Variants in CD6 observed in about 807,000 individuals in gnomAD.
The protein encoded by CD6 is T-cell differentiation antigen CD6.
In CD6, 53 loss-of-function variants were observed where a neutral mutation model predicts 75.3. The ratio of observed to expected loss-of-function variants is 0.70; its 90% CI spans 0.56 to 0.88. The LOEUF (loss-of-function observed/expected upper bound fraction) is 0.88. Ranked by LOEUF, CD6 falls within the 40% of genes least tolerant of loss-of-function variation. The probability of loss-of-function intolerance (pLI) is 0.00; values close to 1 mark genes in which losing one functional copy is unlikely to be tolerated. For synonymous variants in CD6, 359 were observed against 381.5 expected (o/e 0.94, Z 0.69); for missense variants, 770 against 897.1 (o/e 0.86, Z 1.81).
chr11:61,012,890 T>C (rs1859213614), intron 6 of CD6, among the ~76,000 whole-genome samples: 1 of 152,174 alleles, frequency 6.6e-6, no homozygotes, highest in Admixed American at 6.5e-5. Flanking sequence ...AGAGTCACTG[T>C]CTCTGGGAAG....
At chr11:61,017,724 C>CTTCT in intron 10 of CD6, 35 bp from the exon 11 acceptor site, 1 of 1,613,182 alleles carries the variant, frequency 6.2e-7, no homozygotes, top group Non-Finnish European at 8.5e-7. Context: ...TGCTGCACTG[C>CTTCT]TTCTTTCGTC....
intron 1 of CD6, chr11:61,004,508 G>A (rs56103919): frequency 0.13 from 19,473 of 152,274 alleles, 1,696 homozygotes; most frequent in Non-Finnish European, 0.19. Flanking sequence ...CAATTAGAGG[G>A]CTGAAGACTT....
At chr11:61,008,038 C>G (rs1038626418) in intron 3 of CD6, 128 bp downstream of exon 3, 48 of 543,006 alleles carry the variant, frequency 8.8e-5, no homozygotes, top group Non-Finnish European at 1.4e-4. Context: ...CCTACCAGTG[C>G]AAACGCACCG....
At chr11:60,976,506 T>C (rs1231476682) in intron 1 of CD6, among the ~76,000 whole-genome samples, 1 of 152,214 alleles carries the variant, frequency 6.6e-6, no homozygotes, top group East Asian at 1.9e-4. Flanking sequence ...ATTGGATATA[T>C]ACTATGAGTG....
intron 1 of CD6, among the ~76,000 whole-genome samples, chr11:61,003,294 A>G (rs1213989313): frequency 1.3e-5 from 2 of 152,164 alleles, no homozygotes; most frequent in African/African-American, 4.8e-5. Context: ...CCAACTTCTC[A>G]ACACAGGTCA....
At chr11:60,997,976 C>G (rs907995450) in intron 1 of CD6, among the ~76,000 whole-genome samples, 1 of 152,268 alleles carries the variant, frequency 6.6e-6, no homozygotes, top group Admixed American at 6.5e-5. Context: ...AATGTATGCT[C>G]CTCCCCTGCG....
In CD6 at chr11:61,008,503, C is replaced by A. The variant is rs754288553; in HGVS notation, c.470-31C>A. On this transcript the variant is annotated intron_variant, in intron 3 of 12. Coordinates refer to ENST00000313421, the MANE Select transcript of CD6 (RefSeq NM_006725.5). ...CAACCCTCCCTTCCTGGTCGGGTGCCCCAGCATCCACAACCCCCTCCCACC... is the reference window on the plus strand; with the variant it reads ...CAACCCTCCCTTCCTGGTCGGGTGCACCAGCATCCACAACCCCCTCCCACC... The A allele has an allele frequency of 4.6e-6, 7 of 1,532,962 alleles. No homozygotes were observed. The Admixed American group carries it at 9.8e-5, about 21-fold the overall frequency. 95.0% of individuals were successfully genotyped at this position (1,532,962 alleles called of 1,614,324 possible).
chr11:60,980,338 T>G (rs982620652), intron 1 of CD6, among the ~76,000 whole-genome samples: 1 of 151,978 alleles, frequency 6.6e-6, no homozygotes, highest in Non-Finnish European at 1.5e-5. Context: ...CCCCCACGTT[T>G]ACAAAAAATT....
chr11:60,993,106 C>A (rs1858133824), intron 1 of CD6, among the ~76,000 whole-genome samples: 1 of 152,050 alleles, frequency 6.6e-6, no homozygotes, highest in Non-Finnish European at 1.5e-5. Flanking sequence ...GGCACGGGAG[C>A]CTGAGCCAGC....
intron 1 of CD6, among the ~76,000 whole-genome samples, chr11:61,003,898 G>A (rs11230561): frequency 0.13 from 19,532 of 151,944 alleles, 1,707 homozygotes; most frequent in Non-Finnish European, 0.19. Context: ...TGGGATAGGG[G>A]ATGGGAGAAT....
chr11:60,972,806 C>A (rs1301129307), intron 1 of CD6, among the ~76,000 whole-genome samples: 1 of 152,122 alleles, frequency 6.6e-6, no homozygotes, highest in Non-Finnish European at 1.5e-5. Context: ...GGGCATCGAG[C>A]TGGTTTGGAG....
intron 1 of CD6, among the ~76,000 whole-genome samples, chr11:60,987,226 T>C (rs901103851): frequency 1.3e-5 from 2 of 152,258 alleles, no homozygotes; most frequent in African/African-American, 4.8e-5. Flanking sequence ...TGTTCTCTTC[T>C]GAGCTTCTGG....
intron 12 of CD6, chr11:61,019,009 T>C (rs1283559454): frequency 1.2e-5 from 5 of 423,538 alleles, no homozygotes; most frequent in Admixed American, 7.8e-5. Context: ...GCTTCCAACA[T>C]TCAATCGTCC....
intron 1 of CD6, among the ~76,000 whole-genome samples, chr11:60,992,357 A>G (rs1858099475): frequency 6.7e-6 from 1 of 150,238 alleles, no homozygotes; most frequent in Non-Finnish European, 1.5e-5. Context: ...TATAACTATG[A>G]GGTGAGGGAG....
At chr11:60,983,074 T>C (rs995597745) in intron 1 of CD6, among the ~76,000 whole-genome samples, 1 of 151,730 alleles carries the variant, frequency 6.6e-6, no homozygotes, top group Non-Finnish European at 1.5e-5. Flanking sequence ...CCTCAGGCTC[T>C]GCCTCCTCTT....
At position 60,991,049 on chromosome 11, in the gene CD6, G is replaced by A. The variant is rs557320980; in HGVS notation, c.50-15525G>A. Among the ~76,000 whole-genome samples the A allele has an allele frequency of 2.6e-4, 40 of 151,988 alleles. 1 individual carries two copies. The highest frequency in any genetic ancestry group is 6.8e-3 in the Middle Eastern group (2 of 294). On this transcript the variant is annotated intron_variant, in intron 1 of 12. Coordinates refer to ENST00000313421, the MANE Select transcript of CD6 (RefSeq NM_006725.5). ...AATTTTTTCTATAATTTATACAAAA[G>A]GGTATAGCTTTCAGATCAAGGTATG...
intron 1 of CD6, among the ~76,000 whole-genome samples, chr11:60,990,110 A>C (rs2135066270): frequency 1.3e-5 from 2 of 152,398 alleles, no homozygotes; most frequent in African/African-American, 4.8e-5. Context: ...AAAATTTATC[A>C]ATAGCTACCT....
intron 10 of CD6, 65 bp from the exon 11 acceptor site, chr11:61,017,694 A>G (rs1859474233): frequency 1.2e-6 from 2 of 1,604,906 alleles, no homozygotes; most frequent in Admixed American, 3.3e-5. Flanking sequence ...TGCTTTCTGA[A>G]GTCTGACTTA....
At position 60,971,700 on chromosome 11, in the gene CD6, C is replaced by T. The variant is rs1174646062; in HGVS notation, c.-166C>T. ...GAGACACTCACAGGTTGGGTTTGAT[C>T]GCATGCGTGTCGGAGAGGAGAGAGC... is the stretch of plus-strand genomic sequence containing the variant. On this transcript the variant is annotated 5_prime_UTR_variant, in exon 1 of 13. Coordinates refer to ENST00000313421, the MANE Select transcript of CD6 (RefSeq NM_006725.5). The T allele has an allele frequency of 7.6e-6, 5 of 657,804 alleles. No homozygotes were observed. The highest frequency in any genetic ancestry group is 1.1e-5 in the Non-Finnish European group (4 of 375,752). The allele number at this position is 657,804 out of a possible 1,614,324, so 40.7% of individuals were successfully genotyped here. A position where few individuals can be genotyped will look rare whatever the true frequency, so the allele number is the denominator to read the frequency against.
Sources: allele counts gnomAD v4.1 joint callset (sites outside exome capture counted in the v4.1 genomes callset), GRCh38; gene constraint gnomAD v4.1.1; transcripts MANE v1.5; gene names NCBI Gene and HGNC (gene_info 2026-07-23, HGNC 2026-07-21).